KIAA1328: variants seen among roughly 807,000 people sequenced by gnomAD.
KIAA1328 encodes the protein KIAA1328.
Under a neutral mutation model 68.1 loss-of-function variants are expected in KIAA1328, and 52 were observed. The ratio of observed to expected loss-of-function variants is 0.76; its 90% CI spans 0.61 to 0.96. KIAA1328 has a LOEUF of 0.96. Ranked by LOEUF, KIAA1328 falls within the 40% of genes least tolerant of loss-of-function variation. The probability of loss-of-function intolerance (pLI) is 0.00; values close to 1 mark genes in which losing one functional copy is unlikely to be tolerated. For missense variants in KIAA1328, 641 were observed against 677.6 expected, an observed-to-expected ratio of 0.95 and a Z score of 0.60; for synonymous variants, 232 against 239.4, an observed-to-expected ratio of 0.97 and a Z score of 0.28.
At chr18:37,066,407 A>T (rs2056339032) in intron 6 of KIAA1328, among the ~76,000 whole-genome samples, 1 of 152,244 alleles carries the variant, frequency 6.6e-6, no homozygotes, top group African/African-American at 2.4e-5. Flanking sequence ...ATAAAACCTC[A>T]TCAAGATTCT....
intron 7 of KIAA1328, among the ~76,000 whole-genome samples, chr18:37,108,633 C>T (rs1478674484): frequency 2.6e-5 from 4 of 152,280 alleles, no homozygotes; most frequent in South Asian, 4.1e-4. Flanking sequence ...ATGGTTAACA[C>T]ATCACCAGTC....
At chr18:36,963,438 T>A (rs2051782392) in intron 6 of KIAA1328, among the ~76,000 whole-genome samples, 1 of 152,194 alleles carries the variant, frequency 6.6e-6, no homozygotes, top group African/African-American at 2.4e-5. Context: ...AATAGTCTTA[T>A]CTTAAGGATA....
At chr18:37,198,904 A>G (rs941099802) in intron 9 of KIAA1328, among the ~76,000 whole-genome samples, 20 of 152,224 alleles carry the variant, frequency 1.3e-4, no homozygotes, top group Non-Finnish European at 1.0e-4. Flanking sequence ...ATACACACAC[A>G]TAAGATTGGT....
downstream of KIAA1328, chr18:37,230,997 A>T (rs906253012): frequency 6.6e-6 from 1 of 152,298 alleles, no homozygotes; most frequent in Non-Finnish European, 1.5e-5. Flanking sequence ...TCCCAAGGAC[A>T]TGCTGCTGTT....
intron 7 of KIAA1328, among the ~76,000 whole-genome samples, chr18:37,149,228 G>A (rs1338122654): frequency 2.6e-5 from 4 of 152,056 alleles, no homozygotes; most frequent in African/African-American, 9.7e-5. Context: ...TGGACCAATG[G>A]AACAGAATAG....
intron 8 of KIAA1328, among the ~76,000 whole-genome samples, chr18:37,171,083 A>G (rs1380681436): frequency 1.3e-5 from 2 of 152,222 alleles, no homozygotes; most frequent in Non-Finnish European, 2.9e-5. Context: ...CTATTTATCA[A>G]ACTCTACAGT....
chr18:37,036,308 A>G (rs1186097863), intron 6 of KIAA1328, among the ~76,000 whole-genome samples: 1 of 152,224 alleles, frequency 6.6e-6, no homozygotes, highest in Non-Finnish European at 1.5e-5. Flanking sequence ...TGTAAGAGAA[A>G]GTTTTTGTTC....
intron 6 of KIAA1328, among the ~76,000 whole-genome samples, chr18:36,977,937 C>T (rs561138153): frequency 1.3e-5 from 2 of 152,082 alleles, no homozygotes; most frequent in South Asian, 4.2e-4. Context: ...GTGTGTGCCA[C>T]CCTCCCTGGC....
intron 4 of KIAA1328, among the ~76,000 whole-genome samples, chr18:36,862,473 T>G (rs1173913628): frequency 1.3e-5 from 2 of 152,174 alleles, no homozygotes; most frequent in African/African-American, 4.8e-5. Context: ...GTGACTGACT[T>G]CTTTTTTTTT....
intron 9 of KIAA1328, among the ~76,000 whole-genome samples, chr18:37,196,718 G>T (rs2060010013): frequency 6.6e-6 from 1 of 151,936 alleles, no homozygotes. Context: ...TGTTTATCAG[G>T]GATATTGGCC....
chr18:36,835,783 A>G (rs2046653319), intron 3 of KIAA1328, among the ~76,000 whole-genome samples: 1 of 152,212 alleles, frequency 6.6e-6, no homozygotes, highest in Non-Finnish European at 1.5e-5. Context: ...AGGCATAGTA[A>G]TAGTATCGGT....
chr18:37,221,070 A>G (rs2060553061), intron 9 of KIAA1328, among the ~76,000 whole-genome samples: 1 of 151,878 alleles, frequency 6.6e-6, no homozygotes, highest in Non-Finnish European at 1.5e-5. Flanking sequence ...CAAGTGATCC[A>G]CCCACCTCGG....
At chr18:36,967,122 A>G (rs757842454) in intron 6 of KIAA1328, among the ~76,000 whole-genome samples, 1 of 152,182 alleles carries the variant, frequency 6.6e-6, no homozygotes, top group Non-Finnish European at 1.5e-5. Context: ...TTATATATTT[A>G]AAAAGATTAT....
At position 36,885,646 on chromosome 18, in the gene KIAA1328, ATGAAC is replaced by A. The variant is rs2048472381; in HGVS notation, c.426_430del (p.Glu142AspfsTer13). 2 of 1,594,474 alleles carry A rather than the reference ATGAAC, an allele frequency of 1.3e-6. No homozygotes were observed. Among genetic ancestry groups the A allele is most frequent in the Admixed American group, 1.7e-5 (1 of 58,126 alleles). On this transcript the variant is annotated frameshift_variant, in exon 5 of 10. Coordinates refer to ENST00000280020, the MANE Select transcript of KIAA1328 (RefSeq NM_020776.3). LOFTEE classifies it high-confidence loss of function. The stretch of plus-strand genomic sequence containing the variant: ...AAGATCAGGCAGTTGGAAGAACAGA[ATGAAC>A]TGATCATCAAAGAAAGGGAAGATAT...
chr18:36,961,155 A>G (rs1449544675), intron 6 of KIAA1328, among the ~76,000 whole-genome samples: 2 of 152,198 alleles, frequency 1.3e-5, no homozygotes, highest in Non-Finnish European at 2.9e-5. Flanking sequence ...TGGCACAAGA[A>G]CCTTGTGATG....
intron 6 of KIAA1328, among the ~76,000 whole-genome samples, chr18:36,991,793 A>C (rs1370987201): frequency 1.3e-5 from 2 of 152,110 alleles, no homozygotes. Context: ...TCTTCACATG[A>C]TTTATCCAAA....
At chr18:36,890,174 T>C (rs1207252872) in intron 5 of KIAA1328, among the ~76,000 whole-genome samples, 1 of 151,878 alleles carries the variant, frequency 6.6e-6, no homozygotes, top group Non-Finnish European at 1.5e-5. Flanking sequence ...TTAGAAACTT[T>C]GCTCTTCAAA....
intron 4 of KIAA1328, among the ~76,000 whole-genome samples, chr18:36,867,944 T>C (rs1244441448): frequency 1.3e-5 from 2 of 152,202 alleles, no homozygotes; most frequent in Non-Finnish European, 2.9e-5. Flanking sequence ...CTCTGGTTCA[T>C]AATTAAATTT....
chr18:36,949,970 G>A (rs1169012505), intron 5 of KIAA1328, among the ~76,000 whole-genome samples: 1 of 152,194 alleles, frequency 6.6e-6, no homozygotes, highest in Non-Finnish European at 1.5e-5. Context: ...CTCTTGCACA[G>A]ATCACAGCTT....
Sources: gnomAD v4.1 joint callset for allele counts (sites outside exome capture counted in the v4.1 genomes callset) on GRCh38, gnomAD v4.1.1 for gene constraint, MANE v1.5 for transcripts, NCBI Gene and HGNC (gene_info 2026-07-23, HGNC 2026-07-21) for gene names.